RBM17: variants seen among roughly 807,000 people sequenced by gnomAD.
RBM17 encodes RNA binding motif protein 17.
Under a neutral mutation model 53.2 loss-of-function variants are expected in RBM17, and 7 were observed. The observed-to-expected ratio is 0.13, with a 90% CI of 0.07 to 0.25. RBM17 has a LOEUF of 0.25. Among genes scored for constraint, RBM17 ranks in the 10% least tolerant of loss-of-function variants. The pLI is 1.00. For missense variants in RBM17, 257 were observed against 496.7 expected, an observed-to-expected ratio of 0.52 and a Z score of 4.59; for synonymous variants, 167 against 178.1, an observed-to-expected ratio of 0.94 and a Z score of 0.50.
intron 11 of RBM17, 50 bp from the exon 12 acceptor site, chr10:6,115,403 C>A (rs780235364): frequency 1.3e-6 from 2 of 1,537,248 alleles, no homozygotes; most frequent in Admixed American, 1.7e-5. Context: ...TAAAGTTAAA[C>A]CTTTATCTTA....
intron 5 of RBM17, chr10:6,108,349 G>A (rs897024316): frequency 1.6e-5 from 5 of 309,174 alleles, no homozygotes; most frequent in African/African-American, 8.8e-5. Flanking sequence ...TATTGCTCTC[G>A]GTAAATAGTT....
At chr10:6,115,095 A>G in intron 10 of RBM17, 144 bp from the exon 11 acceptor site, 1 of 676,418 alleles carries the variant, frequency 1.5e-6, no homozygotes, top group East Asian at 2.8e-5. Flanking sequence ...TGAACAAATT[A>G]TACTTATTTC....
chr10:6,095,675 A>C (rs1840561071), intron 1 of RBM17, among the ~76,000 whole-genome samples: 1 of 152,192 alleles, frequency 6.6e-6, no homozygotes, highest in African/African-American at 2.4e-5. Flanking sequence ...GGAATGGAAG[A>C]AACTAAAAAG....
At chr10:6,098,729 C>G (rs952725182) in intron 2 of RBM17, among the ~76,000 whole-genome samples, 1 of 152,094 alleles carries the variant, frequency 6.6e-6, no homozygotes, top group Non-Finnish European at 1.5e-5. Context: ...GCGCCCACCA[C>G]TGCGCCTGCG....
chr10:6,091,745 C>G (rs957287332), intron 1 of RBM17, among the ~76,000 whole-genome samples: 4 of 152,076 alleles, frequency 2.6e-5, no homozygotes, highest in African/African-American at 9.7e-5. Flanking sequence ...AAGAAACACC[C>G]CTGCCTTTAG....
intron 3 of RBM17, among the ~76,000 whole-genome samples, chr10:6,103,079 A>G (rs1409272287): frequency 6.6e-6 from 1 of 152,210 alleles, no homozygotes; most frequent in African/African-American, 2.4e-5. Context: ...GGCATGAGCC[A>G]CTGCACCCGG....
Position 6,106,094 on chromosome 10 carries a change from T to A in RBM17, c.408-47T>A, listed in dbSNP as rs200631682. On this transcript the variant is annotated intron_variant, in intron 4 of 11. Transcript: ENST00000379888. ...GGAAGTCATCCCAGGTTCAGGTCTC[T>A]AAATTGGTTCATCTGTGATGAACAT... The A allele has an allele frequency of 4.9e-3, 6,700 of 1,374,346 alleles. 28 individuals carry two copies. Among genetic ancestry groups the A allele is most frequent in the Middle Eastern group, 0.014 (77 of 5,604 alleles). The allele number at this position is 1,374,346 out of a possible 1,614,324, so 85.1% of individuals were successfully genotyped here. A position where few individuals can be genotyped will look rare whatever the true frequency, so the allele number is the denominator to read the frequency against.
intron 2 of RBM17, among the ~76,000 whole-genome samples, chr10:6,098,585 T>TTTTTG (rs1840619678): frequency 9.2e-6 from 1 of 108,888 alleles, no homozygotes; most frequent in African/African-American, 3.6e-5. Flanking sequence ...TTTTTTTTTT[T>TTTTTG]TTTTTTTTGA....
chr10:6,102,177 T>A (rs1227700843), intron 3 of RBM17, among the ~76,000 whole-genome samples: 3 of 152,230 alleles, frequency 2.0e-5, no homozygotes, highest in African/African-American at 7.2e-5. Flanking sequence ...CATCATGAAT[T>A]GCACAAAACC....
chr10:6,097,526 G>A (rs1210583796), intron 2 of RBM17, among the ~76,000 whole-genome samples: 3 of 152,230 alleles, frequency 2.0e-5, no homozygotes, highest in East Asian at 1.9e-4. Context: ...GTGAAACACC[G>A]CGGGCGCAGT....
At chr10:6,106,388 C>T in intron 5 of RBM17, 150 bp downstream of exon 5, 2 of 588,528 alleles carry the variant, frequency 3.4e-6, no homozygotes, top group Non-Finnish European at 6.1e-6. Flanking sequence ...ACATTTGCGT[C>T]ACAGTTTTAA....
chr10:6,096,779 C>T (rs142133725), intron 1 of RBM17: 289 of 202,124 alleles, frequency 1.4e-3, no homozygotes, highest in African/African-American at 6.1e-3. Flanking sequence ...TCATTATGTG[C>T]CCTAGCATTG....
chr10:6,099,802 A>T (rs1588345459), intron 2 of RBM17, among the ~76,000 whole-genome samples: 1 of 152,216 alleles, frequency 6.6e-6, no homozygotes, highest in East Asian at 1.9e-4. Flanking sequence ...TCACACCTGT[A>T]ATCCCAGCAC....
Position 6,114,162 on chromosome 10 carries a change from T to C in RBM17, c.1029+15T>C, listed in dbSNP as rs1407448748. 9 of 1,452,128 alleles carry C rather than the reference T, an allele frequency of 6.2e-6. No homozygotes were observed. The highest frequency in any genetic ancestry group is 1.7e-5 in the Admixed American group (1 of 59,244). 90.0% of individuals were successfully genotyped at this position (1,452,128 alleles called of 1,614,324 possible). A position where few individuals can be genotyped will look rare whatever the true frequency, so the allele number is the denominator to read the frequency against. On this transcript the variant is annotated intron_variant, in intron 10 of 11. Transcript: ENST00000379888. ...TGATATTTGAAGTAAGAGTGTTTTCTTTTGATGTTTATAACACAAGTTGTA... is the reference window on the plus strand; with the variant it reads ...TGATATTTGAAGTAAGAGTGTTTTCCTTTGATGTTTATAACACAAGTTGTA...
chr10:6,094,036 G>A (rs2132938009), intron 1 of RBM17, among the ~76,000 whole-genome samples: 1 of 143,032 alleles, frequency 7.0e-6, no homozygotes, highest in Admixed American at 7.3e-5. Context: ...ATGCAGTGGT[G>A]CAATCTTGGC....
chr10:6,091,854 G>C (rs531788942), intron 1 of RBM17, among the ~76,000 whole-genome samples: 9 of 140,482 alleles, frequency 6.4e-5, no homozygotes, highest in South Asian at 5.0e-4. Flanking sequence ...AACCAGTTGG[G>C]GGGGGTTAGT....
intron 3 of RBM17, among the ~76,000 whole-genome samples, chr10:6,102,873 C>G (rs1840687905): frequency 6.6e-6 from 1 of 152,162 alleles, no homozygotes; most frequent in South Asian, 2.1e-4. Context: ...AATCTTGGCT[C>G]ACTGCAGCCT....
Position 6,097,070 on chromosome 10 carries a change from C to A in RBM17, c.5C>A (p.Ser2Tyr). 6.2e-7 allele frequency: 1 copy of A among 1,613,074 alleles called. No individual in the cohort carries two copies. The highest frequency in any genetic ancestry group is 1.1e-5 in the South Asian group (1 of 91,032). Reference sequence around the variant, plus strand: ...CAGCATTAAACTGAAGAAAAGATGTCCCTGTACGATGACCTAGGAGTGGAG... The same window carrying A: ...CAGCATTAAACTGAAGAAAAGATGTACCTGTACGATGACCTAGGAGTGGAG... M[S>Y]LYDDLGVETS... The change falls in exon 2 of 12, where the codon TCC becomes TAC. Residue 2 changes from serine (S) to tyrosine (Y), a missense_variant. By Grantham distance (144) the Ser-to-Tyr change is moderately radical. This residue lies in a region of RBM17 where 127 missense variants were observed against 217.2 expected (regional missense o/e 0.58). Transcript: ENST00000379888.
At chr10:6,108,810 G>A (rs1479419035) in intron 6 of RBM17, 68 bp downstream of exon 6, 3 of 1,263,468 alleles carry the variant, frequency 2.4e-6, no homozygotes, top group Non-Finnish European at 3.4e-6. Flanking sequence ...GGGGATCTCA[G>A]CTTGGGCCCC....
Sources: gnomAD v4.1 joint callset for allele counts (sites outside exome capture counted in the v4.1 genomes callset) on GRCh38, gnomAD v4.1.1 for gene constraint, gnomAD v4.1.1 regional missense constraint, MANE v1.5 for transcripts, NCBI Gene and HGNC (gene_info 2026-07-23, HGNC 2026-07-21) for gene names.